MPDZ: variants seen among roughly 807,000 people sequenced by gnomAD.
The protein encoded by MPDZ is multiple PDZ domain crumbs cell polarity complex component.
Under a neutral mutation model 239.1 loss-of-function variants are expected in MPDZ, and 234 were observed. The observed-to-expected ratio is 0.98, with a 90% CI of 0.88 to 1.09. The LOEUF (loss-of-function observed/expected upper bound fraction) is 1.09. MPDZ is among the 50% of genes least tolerant of loss of function. MPDZ has a pLI of 0.00. For synonymous variants in MPDZ, 1,048 were observed against 881.3 expected, an observed-to-expected ratio of 1.19 and a Z score of -3.35; for missense variants, 3,175 against 2,510.0, an observed-to-expected ratio of 1.26 and a Z score of -5.66.
chr9:13,151,889 T>C (rs556658377), intron 24 of MPDZ, among the ~76,000 whole-genome samples: 6 of 114,076 alleles, frequency 5.3e-5, no homozygotes, highest in Admixed American at 1.6e-4. Context: ...GTTTTACTAG[T>C]AGTAAAACAA....
At chr9:13,138,974 A>G (rs564790128) in intron 28 of MPDZ, among the ~76,000 whole-genome samples, 1 of 152,348 alleles carries the variant, frequency 6.6e-6, no homozygotes, top group African/African-American at 2.4e-5. Context: ...TCATAATAGA[A>G]AACTGAAACA....
chr9:13,154,930 G>C (rs1160543831), intron 24 of MPDZ, among the ~76,000 whole-genome samples: 1 of 152,198 alleles, frequency 6.6e-6, no homozygotes, highest in South Asian at 2.1e-4. Flanking sequence ...ATAAAAATTG[G>C]TATAGCAGCC....
chr9:13,149,323 T>C (rs1948847456), intron 25 of MPDZ, among the ~76,000 whole-genome samples: 1 of 152,072 alleles, frequency 6.6e-6, no homozygotes, highest in Admixed American at 6.6e-5. Flanking sequence ...ATGGTTGATA[T>C]GTTATAATCT....
chr9:13,235,051 G>A (rs1170125881), intron 3 of MPDZ, among the ~76,000 whole-genome samples: 6 of 152,092 alleles, frequency 3.9e-5, no homozygotes, highest in South Asian at 4.1e-4. Context: ...TTGGAACCTA[G>A]AGAGGCCTCC....
intron 12 of MPDZ, among the ~76,000 whole-genome samples, chr9:13,199,586 T>TA (rs1956139661): frequency 6.6e-6 from 1 of 152,044 alleles, no homozygotes; most frequent in Admixed American, 6.6e-5. Flanking sequence ...TTCCAGATCT[T>TA]AGAGAAAAGT....
intron 8 of MPDZ, 78 bp downstream of exon 8, chr9:13,219,481 A>T: frequency 7.9e-7 from 1 of 1,271,792 alleles, no homozygotes; most frequent in Non-Finnish European, 1.1e-6. Flanking sequence ...TAGTAAGTCT[A>T]GTTTCTAAGT....
chr9:13,155,500 G>T (rs542696214), intron 24 of MPDZ, among the ~76,000 whole-genome samples: 2 of 152,036 alleles, frequency 1.3e-5, no homozygotes, highest in Non-Finnish European at 2.9e-5. Flanking sequence ...GAATGAATTA[G>T]ATCTTTAAGT....
chr9:13,231,364 G>A (rs1294700730), intron 3 of MPDZ, among the ~76,000 whole-genome samples: 1 of 151,890 alleles, frequency 6.6e-6, no homozygotes, highest in Non-Finnish European at 1.5e-5. Flanking sequence ...CCAGGAGTTC[G>A]AGACCAGCCT....
intron 12 of MPDZ, among the ~76,000 whole-genome samples, chr9:13,199,931 C>G (rs1215983711): frequency 6.6e-6 from 1 of 151,762 alleles, no homozygotes; most frequent in East Asian, 1.9e-4. Context: ...GTTGTGTGTC[C>G]TTCTCTGGTT....
intron 1 of MPDZ, among the ~76,000 whole-genome samples, chr9:13,265,644 T>C (rs570102372): frequency 1.2e-4 from 18 of 152,306 alleles, no homozygotes; most frequent in African/African-American, 4.3e-4. Flanking sequence ...AGTTGGCAGC[T>C]GGTCTCTGTT....
chr9:13,160,153 A>G (rs545885027), intron 23 of MPDZ, among the ~76,000 whole-genome samples: 59 of 152,252 alleles, frequency 3.9e-4, no homozygotes, highest in African/African-American at 1.2e-3. Flanking sequence ...ATGCTGCCAC[A>G]TATTTTTATA....
intron 19 of MPDZ, 126 bp downstream of exon 19, chr9:13,183,292 G>A: frequency 4.3e-6 from 3 of 700,938 alleles, no homozygotes; most frequent in Admixed American, 3.7e-5. Flanking sequence ...ATCCAATAAT[G>A]AATCCACAAC....
chr9:13,150,773 TATA>T (rs1216801151), intron 24 of MPDZ, 85 bp from the exon 25 acceptor site: 24 of 872,166 alleles, frequency 2.8e-5, no homozygotes, highest in Admixed American at 4.3e-5. Context: ...TGATTTCTTA[TATA>T]TAACACCAAA....
intron 1 of MPDZ, among the ~76,000 whole-genome samples, chr9:13,259,335 GA>G (rs1306846896): frequency 6.6e-6 from 1 of 151,714 alleles, no homozygotes; most frequent in East Asian, 2.0e-4. Flanking sequence ...GTCTGTCTCG[GA>G]AAACAAAAAG....
chr9:13,243,027 C>T (rs1965788762), intron 3 of MPDZ, among the ~76,000 whole-genome samples: 1 of 152,126 alleles, frequency 6.6e-6, no homozygotes. Flanking sequence ...CTCTCTCTAC[C>T]TGAAATCATT....
At chr9:13,206,867 T>C (rs921429510) in intron 10 of MPDZ, among the ~76,000 whole-genome samples, 6 of 152,062 alleles carry the variant, frequency 3.9e-5, no homozygotes, top group Admixed American at 1.3e-4. Flanking sequence ...TTTGTAGAGA[T>C]GGGGTCTCCC....
chr9:13,277,414 A>G (rs933939269), intron 1 of MPDZ, among the ~76,000 whole-genome samples: 9 of 152,316 alleles, frequency 5.9e-5, no homozygotes, highest in Middle Eastern at 3.4e-3. Flanking sequence ...GGCAAATGAG[A>G]TAGGGAAGAA....
chr9:13,204,623 A>T (rs989644605), intron 12 of MPDZ, among the ~76,000 whole-genome samples: 8 of 152,152 alleles, frequency 5.3e-5, no homozygotes, highest in African/African-American at 1.9e-4. Flanking sequence ...TCTCATTCCC[A>T]AGAGCTTATG....
intron 22 of MPDZ, among the ~76,000 whole-genome samples, chr9:13,164,618 C>A (rs1311998282): frequency 2.0e-5 from 3 of 152,112 alleles, no homozygotes; most frequent in Non-Finnish European, 2.9e-5. Context: ...ATGTTTCCAT[C>A]CCAAACAATG....
Sources: allele counts gnomAD v4.1 joint callset (sites outside exome capture counted in the v4.1 genomes callset), GRCh38; gene constraint gnomAD v4.1.1; transcripts MANE v1.5; gene names NCBI Gene and HGNC (gene_info 2026-07-23, HGNC 2026-07-21).